Variants in RASGRP1 observed in about 807,000 individuals in gnomAD.
RASGRP1 encodes the protein RAS guanyl-releasing protein 1.
A neutral mutation model predicts 95.1 loss-of-function variants in RASGRP1; 37 were observed. The ratio of observed to expected loss-of-function variants is 0.39; its 90% confidence interval spans 0.30 to 0.51. The LOEUF (loss-of-function observed/expected upper bound fraction) is 0.51. Among genes scored for constraint, RASGRP1 ranks in the 20% least tolerant of loss-of-function variants. The pLI is 0.80. For missense variants in RASGRP1, 711 were observed against 965.4 expected, an observed-to-expected ratio of 0.74 and a Z score of 3.49; for synonymous variants, 325 against 353.4, an observed-to-expected ratio of 0.92 and a Z score of 0.90.
chr15:38,527,069 T>C (rs1365773371), intron 2 of RASGRP1, among the ~76,000 whole-genome samples: 1 of 152,242 alleles, frequency 6.6e-6, no homozygotes, highest in Admixed American at 6.5e-5. Context: ...AAATCCCAGC[T>C]GGCACAAAAT....
chr15:38,524,397 C>T (rs1297320199), intron 3 of RASGRP1: 1 of 152,196 alleles, frequency 6.6e-6, no homozygotes. Flanking sequence ...GTAAGCAGAG[C>T]TCGAAGAAGC....
intron 2 of RASGRP1, among the ~76,000 whole-genome samples, chr15:38,539,578 A>AT (rs1892786077): frequency 6.7e-6 from 1 of 148,380 alleles, no homozygotes; most frequent in East Asian, 2.0e-4. Context: ...TTATTTATTT[A>AT]TTATTATTAT....
At chr15:38,503,138 CAGTAAGAGA>C in intron 11 of RASGRP1, 125 bp downstream of exon 11, 1 of 694,388 alleles carries the variant, frequency 1.4e-6, no homozygotes, top group Non-Finnish European at 2.5e-6. Flanking sequence ...TCTAAAGCCA[CAGTAAGAGA>C]AGTAAGTGGT....
At chr15:38,511,099 T>C (rs1274860911) in intron 8 of RASGRP1, among the ~76,000 whole-genome samples, 1 of 152,240 alleles carries the variant, frequency 6.6e-6, no homozygotes, top group Non-Finnish European at 1.5e-5. Context: ...TATTACAAAA[T>C]GGTATCTGAA....
At chr15:38,554,406 G>A (rs1455767280) in intron 2 of RASGRP1, among the ~76,000 whole-genome samples, 1 of 152,168 alleles carries the variant, frequency 6.6e-6, no homozygotes, top group Non-Finnish European at 1.5e-5. Context: ...TCTCTCAGAA[G>A]TAAAACTCAT....
chr15:38,544,755 A>C (rs1893043888), intron 2 of RASGRP1, among the ~76,000 whole-genome samples: 2 of 152,242 alleles, frequency 1.3e-5, no homozygotes, highest in Non-Finnish European at 2.9e-5. Flanking sequence ...CCGCAAGGCA[A>C]GATGCTGCTC....
intron 1 of RASGRP1, among the ~76,000 whole-genome samples, chr15:38,564,029 A>G (rs1042734151): frequency 1.3e-5 from 2 of 152,200 alleles, no homozygotes; most frequent in Non-Finnish European, 2.9e-5. Flanking sequence ...CTATAGAATC[A>G]TAGTGAGGGG....
intron 3 of RASGRP1, among the ~76,000 whole-genome samples, 178 bp downstream of exon 3, chr15:38,526,121 A>T (rs1397137888): frequency 6.6e-6 from 1 of 152,062 alleles, no homozygotes; most frequent in African/African-American, 2.4e-5. Flanking sequence ...GCCCCACCCA[A>T]CAGAGGATAC....
In RASGRP1 at chr15:38,559,828, T is replaced by C. The variant is rs577541812; in HGVS notation, c.213A>G (p.Gln71=). Residue 71 remains glutamine (Q), a synonymous_variant, in exon 2 of 17, where the codon CAA becomes CAG. Transcript: ENST00000310803. ...SLDDLIDSCI[Q]SFDADGNLCR... ...GGCAGTTAGCCAACTTACCAAAAGA[T>C]TGAATGCAGCTGTCAATGAGATCGT... is the stretch of plus-strand genomic sequence containing the variant. 6 of 1,613,514 alleles carry C rather than the reference T, an allele frequency of 3.7e-6. No homozygotes were observed. The highest frequency in any genetic ancestry group is 1.3e-5 in the African/African-American group (1 of 75,024).
In RASGRP1 at chr15:38,491,100, A is replaced by G. The variant is rs1890562475; in HGVS notation, c.2260-412T>C. Among the ~76,000 whole-genome samples the G allele has an allele frequency of 2.0e-5, 3 of 152,226 alleles. No individual in the cohort carries two copies. In the South Asian group the frequency reaches 6.2e-4, roughly 32 times the overall value. Reference sequence around the variant, plus strand: ...ATTTTATCTAAGTTTCCCCCCCACAAATTATTGAAAACAAATTTAACTTTT... The same window carrying G: ...ATTTTATCTAAGTTTCCCCCCCACAGATTATTGAAAACAAATTTAACTTTT... On this transcript the variant is annotated intron_variant, in intron 16 of 16. Coordinates refer to ENST00000310803, the MANE Select transcript of RASGRP1 (RefSeq NM_005739.4).
intron 7 of RASGRP1, 68 bp downstream of exon 7, chr15:38,512,715 G>C: frequency 6.3e-7 from 1 of 1,580,052 alleles, no homozygotes; most frequent in Non-Finnish European, 8.7e-7. Context: ...AATAGACTAA[G>C]CTGGAGGAAA....
chr15:38,542,925 A>G (rs141846919), intron 2 of RASGRP1, among the ~76,000 whole-genome samples: 79 of 145,556 alleles, frequency 5.4e-4, no homozygotes, highest in Middle Eastern at 3.6e-3. Flanking sequence ...ATGTGTGTAT[A>G]TATATGTGTG....
chr15:38,501,283 C>T lies in RASGRP1; in HGVS notation c.1543G>A (p.Gly515Ser). The T allele has an allele frequency of 6.2e-7, 1 of 1,612,936 alleles. No individual in the cohort carries two copies. Among genetic ancestry groups the T allele is most frequent in the African/African-American group, 1.3e-5 (1 of 75,010 alleles). Residue 515 changes from glycine (G) to serine (S), a missense_variant, in exon 13 of 17, where the codon GGC becomes AGC. Gly to Ser is a moderately conservative substitution (Grantham distance 56). Coordinates refer to ENST00000310803, the MANE Select transcript of RASGRP1 (RefSeq NM_005739.4). The part of the protein sequence containing the change: ...SFCVMDKDRE[G>S]LISRDEITAY... ...GTGATCTCATCCCTGCTGATGAGGC[C>T]TTCCCTGCCGGCAGATGACCAAGGC... is the stretch of plus-strand genomic sequence containing the variant.
intron 8 of RASGRP1, among the ~76,000 whole-genome samples, chr15:38,511,011 A>C (rs1412915013): frequency 1.3e-5 from 2 of 152,336 alleles, no homozygotes; most frequent in South Asian, 2.1e-4. Context: ...AAAAGATAAA[A>C]GTATATTCTG....
chr15:38,514,904 G>A (rs1046403074), intron 6 of RASGRP1, among the ~76,000 whole-genome samples: 3 of 152,166 alleles, frequency 2.0e-5, no homozygotes, highest in Non-Finnish European at 2.9e-5. Context: ...TCTGACTGCT[G>A]TCCTTCCCTG....
chr15:38,528,064 G>A (rs115945870), intron 2 of RASGRP1, among the ~76,000 whole-genome samples: 3,834 of 152,048 alleles, frequency 0.025, 173 homozygotes, highest in African/African-American at 0.088. Flanking sequence ...GTACTCTGTT[G>A]CCCTTATCCC....
Position 38,490,505 on chromosome 15 carries a change from A to G in RASGRP1, c.*49T>C. 1 of 1,577,604 alleles carries G rather than the reference A, an allele frequency of 6.3e-7. No individual in the cohort carries two copies. The highest frequency in any genetic ancestry group is 8.6e-7 in the Non-Finnish European group (1 of 1,163,156). On this transcript the variant is annotated 3_prime_UTR_variant, in exon 17 of 17. Transcript: ENST00000310803. ...TCAGGTCTGTGCATTACAGTTTAGG[A>G]AATGAGATCACTATACTCATCTACA...
chr15:38,542,915 A>G (rs11634226), intron 2 of RASGRP1, among the ~76,000 whole-genome samples: 23 of 101,354 alleles, frequency 2.3e-4, no homozygotes, highest in Admixed American at 2.3e-4. Context: ...ACACATATAT[A>G]TGTGTGTATA....
chr15:38,492,282 G>A (rs985156829), intron 16 of RASGRP1, among the ~76,000 whole-genome samples: 5 of 151,924 alleles, frequency 3.3e-5, no homozygotes, highest in Admixed American at 6.6e-5. Context: ...TTCTTTTTTC[G>A]TATGTTTCTC....
Sources: gnomAD v4.1 joint callset for allele counts (sites outside exome capture counted in the v4.1 genomes callset) on GRCh38, gnomAD v4.1.1 for gene constraint, MANE v1.5 for transcripts, NCBI Gene and HGNC (gene_info 2026-07-23, HGNC 2026-07-21) for gene names.